Variants in KCNJ12 observed in about 807,000 individuals in gnomAD.
KCNJ12 encodes potassium inwardly rectifying channel subfamily J member 12, also known as ATP-sensitive inward rectifier potassium channel 12.
A neutral mutation model predicts 22.3 loss-of-function variants in KCNJ12; 2 were observed. The ratio of observed to expected loss-of-function variants is 0.09; its 90% CI spans 0.04 to 0.28. The LOEUF (loss-of-function observed/expected upper bound fraction) is 0.28, where lower values mean the gene tolerates loss of function less well. Ranked by LOEUF, KCNJ12 falls within the 10% of genes least tolerant of loss-of-function variation. The pLI is 1.00. For synonymous variants in KCNJ12, 117 were observed against 261.4 expected, an observed-to-expected ratio of 0.45 and a Z score of 5.33; for missense variants, 155 against 633.3, an observed-to-expected ratio of 0.24 and a Z score of 8.11.
At chr17:21,377,251 G>C (rs992920254) in intron 1 of KCNJ12, among the ~76,000 whole-genome samples, 1 of 152,070 alleles carries the variant, frequency 6.6e-6, no homozygotes, top group African/African-American at 2.4e-5. Flanking sequence ...AGGGGGCTCG[G>C]GAGGGAGCGT....
At chr17:21,413,657 T>C (rs1214813435) in intron 2 of KCNJ12, among the ~76,000 whole-genome samples, 83 of 152,300 alleles carry the variant, frequency 5.4e-4, no homozygotes, top group African/African-American at 1.9e-3. Flanking sequence ...GCCCCTAGCT[T>C]GCAGATGCCC....
chr17:21,405,586 G>A (rs1905880611), intron 1 of KCNJ12, among the ~76,000 whole-genome samples: 1 of 152,272 alleles, frequency 6.6e-6, no homozygotes, highest in African/African-American at 2.4e-5. Context: ...CTGTTCCGTG[G>A]GGGATTTCAG....
chr17:21,379,796 G>A (rs1904801926), intron 1 of KCNJ12, among the ~76,000 whole-genome samples: 1 of 151,952 alleles, frequency 6.6e-6, no homozygotes, highest in African/African-American at 2.4e-5. Context: ...GTTGGGGGTG[G>A]GGGGGGGCCT....
intron 1 of KCNJ12, among the ~76,000 whole-genome samples, chr17:21,400,430 G>A (rs1249998857): frequency 9.2e-5 from 14 of 152,312 alleles, no homozygotes; most frequent in Non-Finnish European, 1.8e-4. Context: ...GGAATCTCCT[G>A]TGTTTCTCCG....
At chr17:21,378,713 C>T (rs1408496677) in intron 1 of KCNJ12, among the ~76,000 whole-genome samples, 4 of 152,130 alleles carry the variant, frequency 2.6e-5, no homozygotes, top group Non-Finnish European at 5.9e-5. Context: ...CCTCTATCAC[C>T]TCCTTTTTCC....
chr17:21,378,158 G>A (rs1019537097), intron 1 of KCNJ12, among the ~76,000 whole-genome samples: 1 of 152,228 alleles, frequency 6.6e-6, no homozygotes. Context: ...AAGGAGAGCC[G>A]GTCCCTGGCC....
At chr17:21,406,284 CTTG>C (rs1204211126) in intron 1 of KCNJ12, among the ~76,000 whole-genome samples, 39 of 150,626 alleles carry the variant, frequency 2.6e-4, no homozygotes, top group African/African-American at 8.8e-4. Context: ...GCATGCAGGG[CTTG>C]CACAGTGTTG....
chr17:21,407,476 C>T (rs1414659787), intron 1 of KCNJ12, among the ~76,000 whole-genome samples: 2 of 152,232 alleles, frequency 1.3e-5, no homozygotes, highest in Non-Finnish European at 2.9e-5. Context: ...TTCACTTCTT[C>T]ACTCACCCAT....
At chr17:21,383,996 C>A (rs782803683) in intron 1 of KCNJ12, among the ~76,000 whole-genome samples, 4 of 152,106 alleles carry the variant, frequency 2.6e-5, no homozygotes, top group Admixed American at 2.0e-4. Flanking sequence ...TTCTCCTCCT[C>A]ACCCCCTGCC....
intron 1 of KCNJ12, among the ~76,000 whole-genome samples, chr17:21,402,716 C>A (rs1314515626): frequency 6.6e-6 from 1 of 152,310 alleles, no homozygotes; most frequent in Non-Finnish European, 1.5e-5. Context: ...GCAACTGTAA[C>A]GTGCTCCCCT....
intron 1 of KCNJ12, among the ~76,000 whole-genome samples, chr17:21,377,854 ACCTGGGACCTC>A (rs1904720257): frequency 6.6e-6 from 1 of 152,092 alleles, no homozygotes; most frequent in South Asian, 2.1e-4. Context: ...ACTCGCCCGC[ACCTGGGACCTC>A]CCCCTCCCCA....
chr17:21,419,295 C>CGT lies in KCNJ12; in HGVS notation c.*2684_*2685dup, dbSNP rs3078445. 0.12 allele frequency: 19,410 copies of CGT among 158,026 alleles called. 1,112 individuals carry two copies. Among genetic ancestry groups the CGT allele is most frequent in the East Asian group, 0.2 (990 of 4,842 alleles). 9.8% of individuals were successfully genotyped at this position (158,026 alleles called of 1,614,324 possible). A position where few individuals can be genotyped will look rare whatever the true frequency, so the allele number is the denominator to read the frequency against. On this transcript the variant is annotated 3_prime_UTR_variant, in exon 3 of 3. Transcript: ENST00000583088. ...TAGTAATACAGATACGTGATCTATA[C>CGT]GTGTGTGTGTGTGTGTGTGTGTGTG...
rs1370237068 is a variant in KCNJ12, at chr17:21,419,475, C to T, written c.*2831C>T. 1 of 167,144 alleles carries T rather than the reference C, an allele frequency of 6.0e-6. No homozygotes were observed. The highest frequency in any genetic ancestry group is 2.4e-5 in the African/African-American group (1 of 41,438). 10.4% of individuals were successfully genotyped at this position (167,144 alleles called of 1,614,324 possible). On this transcript the variant is annotated 3_prime_UTR_variant, in exon 3 of 3. Coordinates refer to ENST00000583088, the MANE Select transcript of KCNJ12 (RefSeq NM_021012.5). ...TCTGCCCTGATTATGCACGTCTGCT[C>T]CTGAGTGGAGCTTGTGTTCCAGGAT...
intron 1 of KCNJ12, among the ~76,000 whole-genome samples, chr17:21,389,840 C>G (rs1282789475): frequency 6.6e-6 from 1 of 152,092 alleles, no homozygotes; most frequent in Non-Finnish European, 1.5e-5. Flanking sequence ...CACCTGCTTC[C>G]TAGCCCTCCC....
At chr17:21,402,543 G>A (rs1423095543) in intron 1 of KCNJ12, among the ~76,000 whole-genome samples, 1 of 152,310 alleles carries the variant, frequency 6.6e-6, no homozygotes, top group East Asian at 1.9e-4. Context: ...TAGGCTTTCT[G>A]GAAGGCCTAC....
intron 1 of KCNJ12, among the ~76,000 whole-genome samples, chr17:21,382,043 A>T (rs1177186332): frequency 1.2e-4 from 19 of 152,210 alleles, no homozygotes; most frequent in Admixed American, 6.5e-4. Flanking sequence ...TTGTTGGTGG[A>T]CAGAGCTGGA....
At chr17:21,395,519 T>TGC (rs1905327970) in intron 1 of KCNJ12, among the ~76,000 whole-genome samples, 1 of 119,214 alleles carries the variant, frequency 8.4e-6, no homozygotes, top group African/African-American at 3.4e-5. Context: ...ATGCGGACGT[T>TGC]GCAGTGAGCC....
At position 21,419,824 on chromosome 17, in the gene KCNJ12, G is replaced by T. The variant is rs78724389; in HGVS notation, c.*3180G>T. The stretch of plus-strand genomic sequence containing the variant: ...TCAATACATAGCAGTATCTAAAGAC[G>T]TAGGCGATGAGACTAGACCACATTA... On this transcript the variant is annotated 3_prime_UTR_variant, in exon 3 of 3. Coordinates refer to ENST00000583088, the MANE Select transcript of KCNJ12 (RefSeq NM_021012.5). The T allele has an allele frequency of 6.0e-6, 1 of 167,516 alleles. No individual in the cohort carries two copies. Among genetic ancestry groups the T allele is most frequent in the African/African-American group, 2.4e-5 (1 of 41,490 alleles). 10.4% of individuals were successfully genotyped at this position (167,516 alleles called of 1,614,324 possible).
rs1218835997 is a variant in KCNJ12, at chr17:21,408,121, C to G, written c.-178-398C>G. Among the ~76,000 whole-genome samples, 4 of 152,424 alleles carry G rather than the reference C, an allele frequency of 2.6e-5. No individual in the cohort carries two copies. The South Asian group carries it at 8.3e-4, about 32-fold the overall frequency. On this transcript the variant is annotated intron_variant, in intron 1 of 2. Transcript: ENST00000583088. ...GGTGGCTGGGAGTACAGGCTGAGGGCCTGAATTCCTTTGTGACAGTGGGAG... is the reference window on the plus strand; with the variant it reads ...GGTGGCTGGGAGTACAGGCTGAGGGGCTGAATTCCTTTGTGACAGTGGGAG...
Sources: allele counts gnomAD v4.1 joint callset (sites outside exome capture counted in the v4.1 genomes callset), GRCh38; gene constraint gnomAD v4.1.1; transcripts MANE v1.5; gene names NCBI Gene and HGNC (gene_info 2026-07-23, HGNC 2026-07-21).